The following BICRA variants were observed in gnomAD, a reference collection of about 807,000 sequenced individuals.
BICRA encodes BRD4 interacting chromatin remodeling complex associated protein.
BICRA carries 31 observed loss-of-function variants against 96.9 expected under a neutral mutation model. That is an observed-to-expected ratio of 0.32 (90% CI 0.24 to 0.43). The LOEUF (loss-of-function observed/expected upper bound fraction) is 0.43, where lower values mean the gene tolerates loss of function less well. Among genes scored for constraint, BICRA ranks in the 20% least tolerant of loss-of-function variants. BICRA has a pLI of 1.00. For missense variants in BICRA, 2,283 were observed against 2,190.3 expected (o/e 1.04, Z -0.84); for synonymous variants, 1,350 against 1,071.8 (o/e 1.26, Z -5.07).
chr19:47,618,829 G>A (rs1029243791), intron 1 of BICRA, among the ~76,000 whole-genome samples: 2 of 152,226 alleles, frequency 1.3e-5, no homozygotes, highest in African/African-American at 4.8e-5. Flanking sequence ...TGGAGGCAGA[G>A]GATGGCCCAG....
In BICRA at chr19:47,699,149, T is replaced by C. The variant is rs1362636348; in HGVS notation, c.3492+90T>C. 3 of 1,006,194 alleles carry C rather than the reference T, an allele frequency of 3.0e-6. No individual in the cohort carries two copies. The highest frequency in any genetic ancestry group is 4.1e-4 in the Middle Eastern group (2 of 4,922). The allele number at this position is 1,006,194 out of a possible 1,614,324, so 62.3% of individuals were successfully genotyped here. ...CACCCGCTCTGGGCAAGGTGGAGCC[T>C]CCCGCCCCTCCTAGCCCCGGGAGGG... is the stretch of plus-strand genomic sequence containing the variant. On this transcript the variant is annotated intron_variant, in intron 13 of 14. Coordinates refer to ENST00000594866, the MANE Select transcript of BICRA (RefSeq NM_001394372.1). The surrounding 1 kb of genome is among the most constrained non-coding windows in gnomAD (Gnocchi z 5.0).
At chr19:47,658,946 C>G (rs551777441) in intron 1 of BICRA, among the ~76,000 whole-genome samples, 1 of 152,142 alleles carries the variant, frequency 6.6e-6, no homozygotes, top group Non-Finnish European at 1.5e-5. Flanking sequence ...ATAATCATTT[C>G]TTTTGTATTT....
At chr19:47,668,886 G>C (rs1262203635) in intron 1 of BICRA, among the ~76,000 whole-genome samples, 3 of 151,808 alleles carry the variant, frequency 2.0e-5, no homozygotes, top group South Asian at 2.1e-4. Flanking sequence ...CTGGGAGGCC[G>C]AGGTGGGTGG....
chr19:47,695,539 C>G (rs2241613), intron 10 of BICRA, 65 bp downstream of exon 10: 361,410 of 756,276 alleles, frequency 0.48, 89,350 homozygotes, highest in East Asian at 0.67. Context: ...GGAACTGGGG[C>G]TGGCAGGGGC....
chr19:47,670,748 C>G (rs1478790660), intron 2 of BICRA, among the ~76,000 whole-genome samples: 1 of 152,224 alleles, frequency 6.6e-6, no homozygotes, highest in Admixed American at 6.5e-5. Flanking sequence ...TAGCTGCAAG[C>G]AAAATCTTTC....
intron 1 of BICRA, among the ~76,000 whole-genome samples, chr19:47,619,876 C>G (rs1370800287): frequency 6.6e-6 from 1 of 152,154 alleles, no homozygotes; most frequent in African/African-American, 2.4e-5. Context: ...TTAAGCATGC[C>G]TTTCCATGAG....
At chr19:47,617,982 A>G (rs1197521958) in intron 1 of BICRA, among the ~76,000 whole-genome samples, 2 of 152,194 alleles carry the variant, frequency 1.3e-5, no homozygotes, top group Non-Finnish European at 2.9e-5. Context: ...CCCATTTCAT[A>G]GGTTGGGAAA....
Position 47,694,202 on chromosome 19 carries a change from C to CG in BICRA, c.2371_2372insG (p.Leu791ArgfsTer80). On this transcript the variant is annotated frameshift_variant, in exon 8 of 15. Coordinates refer to ENST00000594866, the MANE Select transcript of BICRA (RefSeq NM_001394372.1). LOFTEE classifies it high-confidence loss of function. ...GGCCCCTCTGGGGGACAGCCCCCAC[C>CG]TGCCCTCCCCACACCCCACCCGGCC... The CG allele has an allele frequency of 1.4e-6, 2 of 1,381,406 alleles. No homozygotes were observed. The highest frequency in any genetic ancestry group is 1.9e-6 in the Non-Finnish European group (2 of 1,031,996). 85.6% of individuals were successfully genotyped at this position (1,381,406 alleles called of 1,614,324 possible).
intron 7 of BICRA, among the ~76,000 whole-genome samples, chr19:47,693,712 C>A (rs907333657): frequency 5.9e-5 from 9 of 152,222 alleles, no homozygotes; most frequent in African/African-American, 1.9e-4. Flanking sequence ...GCCCGGCCCT[C>A]CTGCCTCCTG....
At chr19:47,618,903 C>T (rs780600789) in intron 1 of BICRA, among the ~76,000 whole-genome samples, 1 of 152,202 alleles carries the variant, frequency 6.6e-6, no homozygotes, top group Admixed American at 6.5e-5. Flanking sequence ...GATGCCAACT[C>T]TCGTCCACCG....
intron 1 of BICRA, among the ~76,000 whole-genome samples, chr19:47,643,984 T>C (rs1423059170): frequency 2.6e-5 from 4 of 152,144 alleles, no homozygotes; most frequent in Non-Finnish European, 4.4e-5. Flanking sequence ...GAGCATGATA[T>C]AGAGAGACCT....
At chr19:47,658,239 G>A (rs969578437) in intron 1 of BICRA, among the ~76,000 whole-genome samples, 3 of 152,152 alleles carry the variant, frequency 2.0e-5, no homozygotes, top group Non-Finnish European at 4.4e-5. Flanking sequence ...GGGGCTGGAA[G>A]TGTTTGTCAG....
At chr19:47,651,097 C>T (rs1189024478) in intron 1 of BICRA, among the ~76,000 whole-genome samples, 5 of 152,064 alleles carry the variant, frequency 3.3e-5, no homozygotes, top group African/African-American at 9.7e-5. Context: ...GGACCATTAC[C>T]GTCGCCCCCT....
intron 1 of BICRA, among the ~76,000 whole-genome samples, chr19:47,658,493 G>A (rs546558444): frequency 1.3e-4 from 20 of 152,192 alleles, no homozygotes; most frequent in East Asian, 3.9e-4. Flanking sequence ...TTCGCCAGGC[G>A]TGGTGGCGAG....
chr19:47,647,107 G>T (rs1013897367), intron 1 of BICRA, among the ~76,000 whole-genome samples: 1 of 152,188 alleles, frequency 6.6e-6, no homozygotes, highest in South Asian at 2.1e-4. Flanking sequence ...GTCCCTCCGT[G>T]TGTGTCAGTG....
rs1972905565 is a variant in BICRA, at chr19:47,674,046, G to A, written c.84+284G>A. ...TAATAATGTCATTTGCACAATGAAAGAGGTTTAAAAGAAAATAAATGGGTC... is the reference window on the plus strand; with the variant it reads ...TAATAATGTCATTTGCACAATGAAAAAGGTTTAAAAGAAAATAAATGGGTC... On this transcript the variant is annotated intron_variant, in intron 4 of 14. Coordinates refer to ENST00000594866, the MANE Select transcript of BICRA (RefSeq NM_001394372.1). Among the ~76,000 whole-genome samples, 5 of 152,186 alleles carry A rather than the reference G, an allele frequency of 3.3e-5. No individual in the cohort carries two copies. The South Asian group carries it at 1.0e-3, about 32-fold the overall frequency.
intron 9 of BICRA, 75 bp downstream of exon 9, chr19:47,695,155 G>A: frequency 9.9e-7 from 1 of 1,011,020 alleles, no homozygotes; most frequent in Non-Finnish European, 1.4e-6. Context: ...CAGGGAGAAT[G>A]GGCTGGGGCA....
At chr19:47,671,828 GTGGA>G (rs1208174610) in intron 2 of BICRA, among the ~76,000 whole-genome samples, 5 of 147,760 alleles carry the variant, frequency 3.4e-5, no homozygotes, top group Non-Finnish European at 6.0e-5. Flanking sequence ...GGATGAATAG[GTGGA>G]TGGATGGAAG....
At chr19:47,653,559 G>T (rs1972571818) in intron 1 of BICRA, among the ~76,000 whole-genome samples, 1 of 152,068 alleles carries the variant, frequency 6.6e-6, no homozygotes, top group African/African-American at 2.4e-5. Flanking sequence ...TCTACTTTCG[G>T]TCTCTCTGGG....
Sources: allele counts gnomAD v4.1 joint callset (sites outside exome capture counted in the v4.1 genomes callset), GRCh38; gene constraint gnomAD v4.1.1; non-coding constraint Gnocchi (gnomAD v3.1); transcripts MANE v1.5; gene names NCBI Gene and HGNC (gene_info 2026-07-23, HGNC 2026-07-21).